The following COL2A1 variants were observed in gnomAD, a reference collection of about 807,000 sequenced individuals.
The protein encoded by COL2A1 is collagen type II alpha 1 chain.
A neutral mutation model predicts 204.5 loss-of-function variants in COL2A1; 28 were observed. The observed-to-expected ratio is 0.14, with a 90% CI of 0.10 to 0.19. The LOEUF (loss-of-function observed/expected upper bound fraction) is 0.19, where lower values mean the gene tolerates loss of function less well. COL2A1 is among the 10% of genes least tolerant of loss of function. The pLI, the probability that COL2A1 is intolerant of heterozygous loss-of-function variation, is 1.00. For synonymous variants in COL2A1, 708 were observed against 718.7 expected (o/e 0.99, Z 0.24); for missense variants, 1,388 against 2,027.5 (o/e 0.68, Z 6.06).
Position 47,975,411 on chromosome 12 carries a change from G to C in COL2A1, c.3792C>G (p.Asn1264Lys). The change falls in exon 51 of 54, where the codon AAC (asparagine) becomes AAG (lysine). Residue 1264 changes from asparagine (N) to lysine (K), a missense_variant. By Grantham distance (94) the Asn-to-Lys change is moderately conservative. Coordinates refer to ENST00000380518, the MANE Select transcript of COL2A1 (RefSeq NM_001844.5). ...EVDATLKSLN[N>K]QIESIRSPEG... Reference sequence around the variant, plus strand: ...CGGGGCTGCGGATGCTCTCAATCTGGTTGTTGAGGGACTTGAGTGTGGCAT... The same window carrying C: ...CGGGGCTGCGGATGCTCTCAATCTGCTTGTTGAGGGACTTGAGTGTGGCAT... 2 of 1,614,208 alleles carry C rather than the reference G, an allele frequency of 1.2e-6. No individual in the cohort carries two copies. Among genetic ancestry groups the C allele is most frequent in the Non-Finnish European group, 1.7e-6 (2 of 1,180,028 alleles).
intron 53 of COL2A1, 67 bp from the exon 54 acceptor site, chr12:47,973,620 A>T (rs1938545130): frequency 1.3e-6 from 2 of 1,594,470 alleles, no homozygotes; most frequent in Admixed American, 1.7e-5. Context: ...AGCTGCCCAG[A>T]AGCCCAAAAC....
rs1359407355 is a variant in COL2A1, at chr12:47,973,014, A to ATC, written c.*392_*393insGA. On this transcript the variant is annotated 3_prime_UTR_variant, in exon 54 of 54. Transcript: ENST00000380518. Reference sequence around the variant, plus strand: ...TTTTAATATCAATTGATGTTTTAAAAAATACAGAGGTGTTTGACACAGAAT... The same window carrying ATC: ...TTTTAATATCAATTGATGTTTTAAAATCAATACAGAGGTGTTTGACACAGAAT... 34 of 502,140 alleles carry ATC rather than the reference A, an allele frequency of 6.8e-5. No homozygotes were observed. The highest frequency in any genetic ancestry group is 6.3e-5 in the Non-Finnish European group (18 of 286,718). 31.1% of individuals were successfully genotyped at this position (502,140 alleles called of 1,614,324 possible). A position where few individuals can be genotyped will look rare whatever the true frequency, so the allele number is the denominator to read the frequency against.
chr12:47,975,379 G>A lies in COL2A1; in HGVS notation c.3824C>T (p.Ser1275Phe). The A allele has an allele frequency of 6.2e-7, 1 of 1,614,212 alleles. No individual in the cohort carries two copies. Among genetic ancestry groups the A allele is most frequent in the Non-Finnish European group, 8.5e-7 (1 of 1,180,042 alleles). The change falls in exon 51 of 54, where the codon TCC (serine) becomes TTC (phenylalanine). Residue 1275 changes from serine to phenylalanine, a missense_variant. By Grantham distance (155) the Ser-to-Phe change is radical. Coordinates refer to ENST00000380518, the MANE Select transcript of COL2A1 (RefSeq NM_001844.5). ...QIESIRSPEG[S>F]RKNPARTCRD... ...GCAGGTGCGAGCAGGGTTCTTGCGG[G>A]AGCCCTCGGGGCTGCGGATGCTCTC...
chr12:48,004,683 T>G, upstream of COL2A1: 2 of 178,228 alleles, frequency 1.1e-5, no homozygotes, highest in Non-Finnish European at 1.2e-5. Context: ...CCTCCACCCC[T>G]AGTGCGCCGA....
In COL2A1 at chr12:47,980,446, G is replaced by T; in HGVS notation, c.2625+108C>A. ...AAGCTCCTTCTACCAACATGGGGGT[G>T]TTCCCAGGCCTGCGAACCATCCTCT... On this transcript the variant is annotated intron_variant, in intron 39 of 53. Coordinates refer to ENST00000380518, the MANE Select transcript of COL2A1 (RefSeq NM_001844.5). The surrounding 1 kb of genome is among the most constrained non-coding windows in gnomAD (Gnocchi z 4.5). The T allele has an allele frequency of 9.9e-7, 1 of 1,014,554 alleles. No individual in the cohort carries two copies. Among genetic ancestry groups the T allele is most frequent in the Non-Finnish European group, 1.5e-6 (1 of 658,936 alleles). 62.8% of individuals were successfully genotyped at this position (1,014,554 alleles called of 1,614,324 possible).
chr12:47,985,379 A>G (rs1939337080), intron 26 of COL2A1, among the ~76,000 whole-genome samples, 155 bp downstream of exon 26: 2 of 152,178 alleles, frequency 1.3e-5, no homozygotes, highest in Admixed American at 6.5e-5. Flanking sequence ...TGCACAGGTT[A>G]CATCTGGCCC....
chr12:47,975,882 A>G, intron 50 of COL2A1, 81 bp downstream of exon 50: 1 of 1,074,778 alleles, frequency 9.3e-7, no homozygotes. Flanking sequence ...ATGCCCTAAA[A>G]GAGGCCCTGA....
intron 23 of COL2A1, 104 bp from the exon 24 acceptor site, chr12:47,986,069 G>A (rs1284915077): frequency 8.7e-7 from 1 of 1,155,712 alleles, no homozygotes; most frequent in Admixed American, 2.0e-5. Flanking sequence ...TTTCTGGGGA[G>A]CAGTAGCTGT....
At chr12:47,996,724 T>C in intron 7 of COL2A1, 99 bp from the exon 8 acceptor site, 1 of 933,068 alleles carries the variant, frequency 1.1e-6, no homozygotes, top group Non-Finnish European at 1.8e-6. Flanking sequence ...TCTACTGAGA[T>C]AAACTCTGAT....
chr12:47,991,852 C>T (rs920368015), intron 16 of COL2A1, among the ~76,000 whole-genome samples: 1 of 152,172 alleles, frequency 6.6e-6, no homozygotes, highest in Admixed American at 6.5e-5. Flanking sequence ...CTCTAATCCC[C>T]TCACACAAAG....
chr12:47,994,930 G>A (rs997694233), intron 11 of COL2A1, among the ~76,000 whole-genome samples: 2 of 152,170 alleles, frequency 1.3e-5, no homozygotes, highest in South Asian at 2.1e-4. Flanking sequence ...GTTGTTGAAC[G>A]CTTCTTTCTT....
intron 41 of COL2A1, among the ~76,000 whole-genome samples, chr12:47,979,287 C>T (rs986085007): frequency 1.3e-5 from 2 of 152,202 alleles, no homozygotes; most frequent in African/African-American, 2.4e-5. Flanking sequence ...CTGTCCTGCC[C>T]ACCAAGCCAG....
rs1939075893 is a variant in COL2A1, at chr12:47,981,443, G to T, written c.2410-47C>A. On this transcript the variant is annotated intron_variant, in intron 36 of 53. Coordinates refer to ENST00000380518, the MANE Select transcript of COL2A1 (RefSeq NM_001844.5). Reference sequence around the variant, plus strand: ...AGAGCTGGGGTAAGAAGGTGGGGAGGCAGAGTGGGAGAGGGCAAAGTGCAT... The same window carrying T: ...AGAGCTGGGGTAAGAAGGTGGGGAGTCAGAGTGGGAGAGGGCAAAGTGCAT... 1.9e-6 allele frequency: 3 copies of T among 1,561,834 alleles called. No homozygotes were observed. In the East Asian group the frequency reaches 6.8e-5, roughly 35 times the overall value.
chr12:47,984,683 G>A (rs1939291184), intron 27 of COL2A1, 84 bp from the exon 28 acceptor site: 6 of 1,291,304 alleles, frequency 4.6e-6, no homozygotes, highest in Non-Finnish European at 6.7e-6. Flanking sequence ...ACTGAGGCCT[G>A]GGGCCACATC....
Position 47,992,992 on chromosome 12 carries a change from T to C in COL2A1, c.970-61A>G. The C allele has an allele frequency of 2.0e-6, 3 of 1,520,786 alleles. No individual in the cohort carries two copies. The South Asian group carries it at 3.4e-5, about 17-fold the overall frequency. 94.2% of individuals were successfully genotyped at this position (1,520,786 alleles called of 1,614,324 possible). ...GGCTTTACGGTGCTCAGGGTGACCA[T>C]TTCTACCTGCAGGCCCTTTGCGGAT... On this transcript the variant is annotated intron_variant, in intron 15 of 53. Coordinates refer to ENST00000380518, the MANE Select transcript of COL2A1 (RefSeq NM_001844.5).
chr12:47,991,350 A>C (rs1939694274), intron 16 of COL2A1, among the ~76,000 whole-genome samples: 1 of 152,210 alleles, frequency 6.6e-6, no homozygotes, highest in South Asian at 2.1e-4. Flanking sequence ...TGACCACAGC[A>C]GGCAGACACC....
rs1939486457 is a variant in COL2A1, at chr12:47,987,468, T to C, written c.1221+143A>G. ...AAGGGGAAGATGGGATAGAAGGGAA[T>C]ACATCTAGAGGTGGGGACAGGCATT... is the stretch of plus-strand genomic sequence containing the variant. On this transcript the variant is annotated intron_variant, in intron 19 of 53. Coordinates refer to ENST00000380518, the MANE Select transcript of COL2A1 (RefSeq NM_001844.5). This position sits in a 1 kb window ranked among gnomAD's most constrained non-coding sequence, Gnocchi z 4.1. 9.5e-7 allele frequency: 1 copy of C among 1,050,894 alleles called. No homozygotes were observed. Among genetic ancestry groups the C allele is most frequent in the African/African-American group, 1.6e-5 (1 of 63,608 alleles). 65.1% of individuals were successfully genotyped at this position (1,050,894 alleles called of 1,614,324 possible). A position where few individuals can be genotyped will look rare whatever the true frequency, so the allele number is the denominator to read the frequency against.
intron 22 of COL2A1, 108 bp downstream of exon 22, chr12:47,986,727 A>C: frequency 7.7e-7 from 1 of 1,293,520 alleles, no homozygotes; most frequent in African/African-American, 1.5e-5. Context: ...AAGGACCCAG[A>C]TTGGGGGATA....
At position 47,995,243 on chromosome 12, in the gene COL2A1, G is replaced by T; in HGVS notation, c.762+12C>A. 2 of 1,610,938 alleles carry T rather than the reference G, an allele frequency of 1.2e-6. No homozygotes were observed. Among genetic ancestry groups the T allele is most frequent in the Non-Finnish European group, 1.7e-6 (2 of 1,177,076 alleles). ...GAGGCAGCTCCTCATTTGTCTACTCGTGTATACTCACATCATCACCAGGCT... is the reference window on the plus strand; with the variant it reads ...GAGGCAGCTCCTCATTTGTCTACTCTTGTATACTCACATCATCACCAGGCT... On this transcript the variant is annotated intron_variant, in intron 11 of 53. Coordinates refer to ENST00000380518, the MANE Select transcript of COL2A1 (RefSeq NM_001844.5).
Sources: gnomAD v4.1 joint callset for allele counts (sites outside exome capture counted in the v4.1 genomes callset) on GRCh38, gnomAD v4.1.1 for gene constraint, Gnocchi (gnomAD v3.1) non-coding constraint, MANE v1.5 for transcripts, NCBI Gene and HGNC (gene_info 2026-07-23, HGNC 2026-07-21) for gene names.